Variants in FMN2 observed in about 807,000 individuals in gnomAD.
FMN2 encodes the protein formin 2.
Under a neutral mutation model 142.3 loss-of-function variants are expected in FMN2, and 51 were observed. That is an observed-to-expected ratio of 0.36 (90% confidence interval 0.29 to 0.45). The LOEUF is 0.45. Among genes scored for constraint, FMN2 ranks in the 20% least tolerant of loss-of-function variants. The pLI is 1.00. For synonymous variants in FMN2, 882 were observed against 869.8 expected (o/e 1.01, Z -0.25); for missense variants, 1,936 against 2,122.8 (o/e 0.91, Z 1.73).
chr1:240,294,765 C>A (rs984213525), intron 7 of FMN2, 57 bp from the exon 8 acceptor site: 2 of 1,544,370 alleles, frequency 1.3e-6, no homozygotes, highest in South Asian at 2.2e-5. Context: ...CTGAGATGGT[C>A]AAACATCTTT....
At chr1:240,449,126 A>C (rs570425629) in intron 16 of FMN2, among the ~76,000 whole-genome samples, 143 of 150,636 alleles carry the variant, frequency 9.5e-4, no homozygotes, top group African/African-American at 3.4e-3. Context: ...TAGGTGAAGA[A>C]AGTGAGACCC....
chr1:240,433,371 T>TTTCCTC (rs1675244859), intron 15 of FMN2, among the ~76,000 whole-genome samples: 2 of 152,214 alleles, frequency 1.3e-5, no homozygotes, highest in Non-Finnish European at 2.9e-5. Context: ...GAGAAATAGA[T>TTTCCTC]GCGCGAGGAA....
chr1:240,462,094 A>G (rs1248603314), intron 16 of FMN2, among the ~76,000 whole-genome samples: 1 of 152,164 alleles, frequency 6.6e-6, no homozygotes, highest in East Asian at 1.9e-4. Flanking sequence ...TTCCTTGAGC[A>G]TGTTTGTTCA....
intron 16 of FMN2, among the ~76,000 whole-genome samples, chr1:240,465,806 G>A (rs1676601779): frequency 6.6e-6 from 1 of 152,212 alleles, no homozygotes; most frequent in Non-Finnish European, 1.5e-5. Context: ...TTGGCTTTCG[G>A]TCTGAAAGGT....
intron 6 of FMN2, among the ~76,000 whole-genome samples, chr1:240,215,687 C>T (rs1666868129): frequency 6.6e-6 from 1 of 151,930 alleles, no homozygotes; most frequent in Non-Finnish European, 1.5e-5. Flanking sequence ...ACTTTTAAAA[C>T]CTTTACCATG....
At chr1:240,401,904 G>A (rs555374970) in intron 15 of FMN2, among the ~76,000 whole-genome samples, 101 of 152,236 alleles carry the variant, frequency 6.6e-4, no homozygotes, top group African/African-American at 2.4e-3. Context: ...CCAAGTTCCC[G>A]GGCCTCCACT....
chr1:240,397,486 C>A lies in FMN2; in HGVS notation c.4910+4924C>A, dbSNP rs867992486. The stretch of plus-strand genomic sequence containing the variant: ...AATGCCTAGTAATTTAAGTGTTAAC[C>A]ACACCTAGGCCAGGCACGGTGGCTC... On this transcript the variant is annotated intron_variant, in intron 15 of 17. Coordinates refer to ENST00000319653, the MANE Select transcript of FMN2 (RefSeq NM_020066.5). Among the ~76,000 whole-genome samples the A allele has an allele frequency of 5.9e-5, 9 of 152,028 alleles. No homozygotes were observed. In the Middle Eastern group the frequency reaches 0.014, roughly 231 times the overall value.
rs1198289927 is a variant in FMN2 at position 240,291,057 on chromosome 1, G to T, written c.4154-3765G>T. Among the ~76,000 whole-genome samples, 4 of 152,076 alleles carry T rather than the reference G, an allele frequency of 2.6e-5. No individual in the cohort carries two copies. The South Asian group carries it at 8.3e-4, about 32-fold the overall frequency. The stretch of plus-strand genomic sequence containing the variant: ...TCGAATTCTGGGCCTCAGGTGATCC[G>T]CCTGCCTTGGCCTCCCAGAGTGCTG... On this transcript the variant is annotated intron_variant, in intron 7 of 17. Transcript: ENST00000319653.
At chr1:240,329,772 C>A (rs925758540) in intron 10 of FMN2, among the ~76,000 whole-genome samples, 8 of 151,344 alleles carry the variant, frequency 5.3e-5, no homozygotes, top group African/African-American at 1.5e-4. Context: ...TCTCAGACAT[C>A]AGACTTCCAA....
chr1:240,340,308 C>T (rs1671704218), intron 13 of FMN2, among the ~76,000 whole-genome samples: 1 of 152,078 alleles, frequency 6.6e-6, no homozygotes, highest in Admixed American at 6.6e-5. Flanking sequence ...GGGCCGGGTG[C>T]AGTGGCTCAC....
chr1:240,319,142 A>T (rs1295858590), intron 8 of FMN2, among the ~76,000 whole-genome samples: 1 of 152,078 alleles, frequency 6.6e-6, no homozygotes, highest in Non-Finnish European at 1.5e-5. Context: ...GGCAGTGGGG[A>T]TGGAGTGGGT....
At chr1:240,406,035 G>GGGAGTCGGGGGAGCGAAGGGAAGCAGCC (rs1674149395) in intron 15 of FMN2, among the ~76,000 whole-genome samples, 2 of 45,558 alleles carry the variant, frequency 4.4e-5, no homozygotes, top group Admixed American at 2.5e-4. Context: ...GGGAAGCAGC[G>GGGAGTCGGGGGAGCGAAGGGAAGCAGCC]TCAGGAGTCG....
At chr1:240,372,673 C>CTTTTTTTTTTTTTTTATT (rs1672911696) in intron 14 of FMN2, among the ~76,000 whole-genome samples, 1 of 143,350 alleles carries the variant, frequency 7.0e-6, no homozygotes. Flanking sequence ...GTTTTGAAAG[C>CTTTTTTTTTTTTTTTATT]TTGTATACAG....
intron 7 of FMN2, among the ~76,000 whole-genome samples, chr1:240,289,640 A>G (rs1669708668): frequency 6.6e-6 from 1 of 151,984 alleles, no homozygotes; most frequent in South Asian, 2.1e-4. Flanking sequence ...TGATCATACC[A>G]CTGCACCCTA....
intron 1 of FMN2, among the ~76,000 whole-genome samples, chr1:240,117,482 C>T (rs897867306): frequency 1.1e-4 from 16 of 152,034 alleles, no homozygotes; most frequent in African/African-American, 2.9e-4. Context: ...ACCTGACAAG[C>T]GTGGTGGAGG....
chr1:240,427,199 T>G (rs12082702), intron 15 of FMN2, among the ~76,000 whole-genome samples: 299 of 126,250 alleles, frequency 2.4e-3, no homozygotes, highest in South Asian at 9.8e-3. Flanking sequence ...ATATGGTTTT[T>G]TTTTTGTTTT....
chr1:240,342,259 T>C (rs1388717578), intron 13 of FMN2, among the ~76,000 whole-genome samples: 1 of 152,238 alleles, frequency 6.6e-6, no homozygotes, highest in African/African-American at 2.4e-5. Flanking sequence ...AGGCTATAAA[T>C]TGATTATAAG....
intron 8 of FMN2, among the ~76,000 whole-genome samples, chr1:240,305,035 T>C (rs1670333733): frequency 6.6e-6 from 1 of 152,204 alleles, no homozygotes; most frequent in Non-Finnish European, 1.5e-5. Flanking sequence ...CCCAGAATCC[T>C]TTCTGGGGTT....
intron 14 of FMN2, among the ~76,000 whole-genome samples, chr1:240,365,951 A>G (rs548115814): frequency 1.3e-5 from 2 of 152,202 alleles, no homozygotes; most frequent in East Asian, 3.9e-4. Flanking sequence ...AAAACAGTGA[A>G]ATTACCAAAA....
Sources: allele counts gnomAD v4.1 joint callset (sites outside exome capture counted in the v4.1 genomes callset), GRCh38; gene constraint gnomAD v4.1.1; transcripts MANE v1.5; gene names NCBI Gene and HGNC (gene_info 2026-07-23, HGNC 2026-07-21).